The following REPS2 variants were observed in gnomAD, a reference collection of about 807,000 sequenced individuals.
REPS2 encodes ralBP1-associated Eps domain-containing protein 2.
A neutral mutation model predicts 53.6 loss-of-function variants in REPS2; 23 were observed. The observed-to-expected ratio is 0.43, with a 90% confidence interval of 0.31 to 0.61. The LOEUF is 0.61. Among genes scored for constraint, REPS2 ranks in the 20% least tolerant of loss-of-function variants. The pLI, the probability that REPS2 is intolerant of heterozygous loss-of-function variation, is 0.11. For synonymous variants in REPS2, 238 were observed against 218.6 expected, an observed-to-expected ratio of 1.09 and a Z score of -0.78; for missense variants, 446 against 534.9, an observed-to-expected ratio of 0.83 and a Z score of 1.64.
At chrX:17,144,203 G>A (rs1226508101) in intron 17 of REPS2, among the ~76,000 whole-genome samples, 2 of 112,462 alleles carry the variant, frequency 1.8e-5, no homozygotes, top group African/African-American at 6.5e-5. Context: ...AGCATTCCAG[G>A]ATATTCATTC....
At chrX:16,989,320 A>T (rs962604570) in intron 1 of REPS2, among the ~76,000 whole-genome samples, 1 of 111,859 alleles carries the variant, frequency 8.9e-6, no homozygotes, top group Non-Finnish European at 1.9e-5. Context: ...ATGTATCACA[A>T]ACTTCAATGT....
At chrX:16,981,807 T>A (rs2061022167) in intron 1 of REPS2, among the ~76,000 whole-genome samples, 1 of 112,598 alleles carries the variant, frequency 8.9e-6, no homozygotes, top group South Asian at 3.6e-4. Context: ...AATAATTTAT[T>A]ACTGTACAAG....
chrX:16,974,200 A>T (rs1290573972), intron 1 of REPS2, among the ~76,000 whole-genome samples: 1 of 111,701 alleles, frequency 9.0e-6, no homozygotes, highest in Non-Finnish European at 1.9e-5. Context: ...TTTTCTCCTG[A>T]TACAGTATCA....
chrX:16,975,698 C>T (rs1274272750), intron 1 of REPS2, among the ~76,000 whole-genome samples: 1 of 111,740 alleles, frequency 8.9e-6, no homozygotes, highest in Non-Finnish European at 1.9e-5. Context: ...TATGACGTAT[C>T]AGAGTGATCA....
intron 1 of REPS2, among the ~76,000 whole-genome samples, chrX:16,970,045 TTTTAA>T (rs1342061359): frequency 3.6e-5 from 4 of 112,323 alleles, no homozygotes; most frequent in African/African-American, 1.3e-4. Flanking sequence ...GATTGTAATA[TTTTAA>T]TTTAATAAAT....
chrX:17,011,188 C>G (rs1040855284), intron 2 of REPS2, among the ~76,000 whole-genome samples: 1 of 110,977 alleles, frequency 9.0e-6, no homozygotes, highest in East Asian at 2.8e-4. Flanking sequence ...CAAGTGCCGA[C>G]TCTACATTTA....
the REPS2 span, among the ~76,000 whole-genome samples, chrX:17,160,310 G>C: frequency 8.9e-6 from 1 of 112,476 alleles, no homozygotes; most frequent in Non-Finnish European, 1.9e-5. Context: ...GGATTGCCAA[G>C]GTCAAAGTAT....
intron 10 of REPS2, 152 bp from the exon 11 acceptor site, chrX:17,069,788 G>C: frequency 3.1e-6 from 1 of 322,220 alleles, no homozygotes; most frequent in Non-Finnish European, 5.5e-6. Flanking sequence ...AAATGCTATA[G>C]CAACTTTTAG....
intron 1 of REPS2, among the ~76,000 whole-genome samples, chrX:16,992,956 C>A (rs1248830285): frequency 8.9e-6 from 1 of 111,829 alleles, no homozygotes. Context: ...GGGAGGAAAA[C>A]TGAGGCTTAA....
intron 13 of REPS2, among the ~76,000 whole-genome samples, chrX:17,088,886 A>G (rs73454464): frequency 9.0e-6 from 1 of 111,452 alleles, no homozygotes; most frequent in African/African-American, 3.3e-5. Context: ...TCCTGCCCAG[A>G]ATCTTTCGAA....
At chrX:17,118,587 A>G (rs1170311045) in intron 14 of REPS2, among the ~76,000 whole-genome samples, 2 of 112,362 alleles carry the variant, frequency 1.8e-5, no homozygotes, top group East Asian at 5.6e-4. Context: ...AAAGGGCTGG[A>G]AAAGGTTTCT....
chrX:17,156,891 T>A (rs1202410579), downstream of REPS2, among the ~76,000 whole-genome samples: 1 of 112,054 alleles, frequency 8.9e-6, no homozygotes, highest in Non-Finnish European at 1.9e-5. Flanking sequence ...CTGGAAGTTC[T>A]GAGAGGCAGA....
intron 5 of REPS2, among the ~76,000 whole-genome samples, chrX:17,038,736 A>C (rs149508841): frequency 0.048 from 5,398 of 112,153 alleles, 132 homozygotes; most frequent in Middle Eastern, 0.1. Flanking sequence ...AGTCTCTACC[A>C]TATTTCACAG....
intron 1 of REPS2, among the ~76,000 whole-genome samples, chrX:16,979,735 T>G (rs1274269736): frequency 5.4e-5 from 6 of 111,930 alleles, no homozygotes; most frequent in South Asian, 7.5e-4. Flanking sequence ...TCCTAAATAG[T>G]GTCTACAGAC....
At chrX:17,180,574 A>G in the REPS2 span, among the ~76,000 whole-genome samples, 1 of 111,357 alleles carries the variant, frequency 9.0e-6, no homozygotes, top group Non-Finnish European at 1.9e-5. Flanking sequence ...TCCAACAGAC[A>G]AAAAAGAAAG....
chrX:17,119,868 C>CTT (rs35141257), intron 14 of REPS2, among the ~76,000 whole-genome samples: 2,678 of 40,529 alleles, frequency 0.066, 450 homozygotes, highest in Non-Finnish European at 0.079. Flanking sequence ...CGCACTGTGA[C>CTT]TTTTTTTTTT....
chrX:17,000,739 T>C (rs928609442), intron 1 of REPS2, among the ~76,000 whole-genome samples: 17 of 112,007 alleles, frequency 1.5e-4, no homozygotes, highest in African/African-American at 5.2e-4. Flanking sequence ...TTTTTGGTAA[T>C]ACAGGTCTAC....
intron 9 of REPS2, among the ~76,000 whole-genome samples, chrX:17,064,139 AAAC>A (rs2062196483): frequency 9.0e-6 from 1 of 110,599 alleles, no homozygotes; most frequent in Non-Finnish European, 1.9e-5. Context: ...GAAGAAAGCA[AAAC>A]AACAACAAAA....
chrX:17,045,129 C>T (rs933094103), intron 5 of REPS2, among the ~76,000 whole-genome samples: 4 of 104,655 alleles, frequency 3.8e-5, no homozygotes, highest in African/African-American at 1.0e-4. Context: ...GACGGGGTTT[C>T]ACCATGTTGG....
Sources: gnomAD v4.1 joint callset for allele counts (sites outside exome capture counted in the v4.1 genomes callset) on GRCh38, gnomAD v4.1.1 for gene constraint, MANE v1.5 for transcripts, NCBI Gene and HGNC (gene_info 2026-07-23, HGNC 2026-07-21) for gene names.